TRIOBP: variants seen among roughly 807,000 people sequenced by gnomAD.
TRIOBP encodes TRIO and F-actin-binding protein.
TRIOBP carries 169 observed loss-of-function variants against 238.8 expected under a neutral mutation model. The ratio of observed to expected loss-of-function variants is 0.71; its 90% CI spans 0.62 to 0.80. The LOEUF is 0.80. TRIOBP is among the 30% of genes least tolerant of loss of function. TRIOBP has a pLI of 0.00. For missense variants in TRIOBP, 2,838 were observed against 3,122.6 expected, an observed-to-expected ratio of 0.91 and a Z score of 2.17; for synonymous variants, 1,150 against 1,274.4, an observed-to-expected ratio of 0.90 and a Z score of 2.08.
At chr22:37,710,405 C>A (rs757399162) in intron 3 of TRIOBP, 22 bp from the exon 4 acceptor site, 4 of 1,612,814 alleles carry the variant, frequency 2.5e-6, no homozygotes, top group Non-Finnish European at 3.4e-6. Flanking sequence ...TGAGCTGTCT[C>A]CTCTCTCCAA....
At chr22:37,700,451 CTTTT>C (rs111657558) in intron 2 of TRIOBP, among the ~76,000 whole-genome samples, 3 of 146,864 alleles carry the variant, frequency 2.0e-5, no homozygotes, top group African/African-American at 7.5e-5. Flanking sequence ...CTGAAATCTG[CTTTT>C]TTTTTTTCTC....
At chr22:37,759,612 G>A (rs1926137043) in intron 17 of TRIOBP, 6 of 1,553,064 alleles carry the variant, frequency 3.9e-6, no homozygotes, top group Non-Finnish European at 5.2e-6. Context: ...GGAAGTGGGG[G>A]GCTAGTGGCC....
intron 11 of TRIOBP, among the ~76,000 whole-genome samples, chr22:37,743,924 G>A (rs1332765176): frequency 6.7e-6 from 1 of 150,282 alleles, no homozygotes; most frequent in Non-Finnish European, 1.5e-5. Context: ...AAGTGTTCCA[G>A]GCACAGCAGA....
chr22:37,710,757 C>T (rs1401380150), intron 4 of TRIOBP, among the ~76,000 whole-genome samples, 191 bp downstream of exon 4: 1 of 152,146 alleles, frequency 6.6e-6, no homozygotes, highest in Non-Finnish European at 1.5e-5. Context: ...GAACTCAGAT[C>T]ACACCACCCT....
intron 11 of TRIOBP, among the ~76,000 whole-genome samples, chr22:37,749,406 T>A (rs1425510495): frequency 6.6e-6 from 1 of 152,042 alleles, no homozygotes; most frequent in Non-Finnish European, 1.5e-5. Flanking sequence ...AAGCCTGGGA[T>A]ACCAAGCCTT....
chr22:37,762,667 G>T (rs542417388), intron 17 of TRIOBP, among the ~76,000 whole-genome samples: 7 of 152,324 alleles, frequency 4.6e-5, no homozygotes, highest in African/African-American at 1.7e-4. Flanking sequence ...CAGAGCTGAA[G>T]ACCAGGCAGG....
chr22:37,751,011 G>A (rs191602285), intron 11 of TRIOBP: 1 of 375,170 alleles, frequency 2.7e-6, no homozygotes, highest in African/African-American at 2.1e-5. Flanking sequence ...GATGAGAGAG[G>A]TCTCCCCAGC....
chr22:37,699,615 C>G (rs1409199993), intron 2 of TRIOBP, among the ~76,000 whole-genome samples: 5 of 152,086 alleles, frequency 3.3e-5, no homozygotes, highest in Non-Finnish European at 5.9e-5. Context: ...AATCTTGGCT[C>G]ACTGCAACCT....
At chr22:37,726,680 GTT>G in intron 7 of TRIOBP, 177 bp downstream of exon 7, 1 of 674,952 alleles carries the variant, frequency 1.5e-6, no homozygotes, top group African/African-American at 1.9e-5. Context: ...GGAGTTTTCT[GTT>G]TTGTGTGTGT....
chr22:37,735,219 G>A lies in TRIOBP; in HGVS notation c.4883G>A (p.Ser1628Asn), dbSNP rs2145843033. The change falls in exon 9 of 24, where the codon AGC becomes AAC. Residue 1628 changes from serine to asparagine, a missense_variant. By Grantham distance (46) the Ser-to-Asn change is conservative (BLOSUM62 1). Transcript: ENST00000644935. ...TNDVPEQESHSQPEGWAEATP... is the reference protein window; with the variant it reads ...TNDVPEQESHNQPEGWAEATP... ...GATGTCCCTGAGCAGGAGTCACACAGCCAGCCAGAAGGCTGGGCCGAGGCC... is the reference window on the plus strand; with the variant it reads ...GATGTCCCTGAGCAGGAGTCACACAACCAGCCAGAAGGCTGGGCCGAGGCC... 1 of 1,606,924 alleles carries A rather than the reference G, an allele frequency of 6.2e-7. No homozygotes were observed. The highest frequency in any genetic ancestry group is 2.2e-5 in the East Asian group (1 of 44,610).
chr22:37,770,872 C>T (rs1400704691), intron 21 of TRIOBP, among the ~76,000 whole-genome samples: 3 of 151,606 alleles, frequency 2.0e-5, no homozygotes, highest in East Asian at 1.9e-4. Context: ...TTAGTAGAGA[C>T]GGGGTTTCAC....
rs1031498482 is a variant in TRIOBP at position 37,774,654 on chromosome 22, T to C, written c.*874T>C. 1.3e-5 allele frequency: 2 copies of C among 152,224 alleles called. No individual in the cohort carries two copies. The highest frequency in any genetic ancestry group is 4.8e-5 in the African/African-American group (2 of 41,446). 9.4% of individuals were successfully genotyped at this position (152,224 alleles called of 1,614,324 possible). A position where few individuals can be genotyped will look rare whatever the true frequency, so the allele number is the denominator to read the frequency against. On this transcript the variant is annotated 3_prime_UTR_variant, in exon 24 of 24. Transcript: ENST00000644935. ...AGGGTGGGGCTGAAAATCCAAGGTC[T>C]CCCTTAGTACAGACTGTGACGCCCC...
At chr22:37,760,825 T>C (rs1387637370) in intron 17 of TRIOBP, among the ~76,000 whole-genome samples, 1 of 151,810 alleles carries the variant, frequency 6.6e-6, no homozygotes, top group Non-Finnish European at 1.5e-5. Context: ...ATACAAAAAA[T>C]AGCCGGGCGT....
chr22:37,725,933 CACG>C lies in TRIOBP; in HGVS notation c.3378_3380del (p.Arg1127del). The C allele has an allele frequency of 3.7e-6, 6 of 1,613,808 alleles. No homozygotes were observed. Among genetic ancestry groups the C allele is most frequent in the Non-Finnish European group, 5.1e-6 (6 of 1,179,958 alleles). Reference sequence around the variant, plus strand: ...GATGCACCCCGGGCCTCCTCCCCACCACGCCAGGCCCCAGAGCCTTCCCTCTTA... The same window carrying C: ...GATGCACCCCGGGCCTCCTCCCCACCCCAGGCCCCAGAGCCTTCCCTCTTA... On this transcript the variant is annotated inframe_deletion, in exon 7 of 24. Coordinates refer to ENST00000644935, the MANE Select transcript of TRIOBP (RefSeq NM_001039141.3).
At chr22:37,704,435 A>T (rs1324746525) in intron 3 of TRIOBP, among the ~76,000 whole-genome samples, 1 of 134,066 alleles carries the variant, frequency 7.5e-6, no homozygotes, top group Non-Finnish European at 1.6e-5. Context: ...AACAGAACAG[A>T]ACAGTACAGA....
intron 2 of TRIOBP, 28 bp from the exon 3 acceptor site, chr22:37,701,278 G>A (rs1481712123): frequency 1.9e-6 from 2 of 1,047,390 alleles, no homozygotes; most frequent in Non-Finnish European, 1.5e-6. Flanking sequence ...CAGTCATCTG[G>A]TCTTTGCCTC....
chr22:37,716,792 C>G (rs1923544111), intron 6 of TRIOBP, among the ~76,000 whole-genome samples: 1 of 152,178 alleles, frequency 6.6e-6, no homozygotes, highest in Admixed American at 6.5e-5. Context: ...AGGAAGTTCC[C>G]TAGATCAAAG....
intron 7 of TRIOBP, among the ~76,000 whole-genome samples, chr22:37,728,665 G>A (rs1924290230): frequency 6.6e-6 from 1 of 152,160 alleles, no homozygotes; most frequent in African/African-American, 2.4e-5. Flanking sequence ...GTACTAGATA[G>A]GTATGCTTGT....
chr22:37,711,337 GGGAGGCCAA>G (rs1039991603), intron 4 of TRIOBP, among the ~76,000 whole-genome samples: 4 of 151,846 alleles, frequency 2.6e-5, no homozygotes, highest in Non-Finnish European at 5.9e-5. Context: ...CCAGAACTTT[GGGAGGCCAA>G]GGTGGGCGGA....
Sources: allele counts gnomAD v4.1 joint callset (sites outside exome capture counted in the v4.1 genomes callset), GRCh38; gene constraint gnomAD v4.1.1; transcripts MANE v1.5; gene names NCBI Gene and HGNC (gene_info 2026-07-23, HGNC 2026-07-21).